The following MINDY2 variants were observed in gnomAD, a reference collection of about 807,000 sequenced individuals.
MINDY2 encodes the protein MINDY lysine 48 deubiquitinase 2.
A neutral mutation model predicts 68.2 loss-of-function variants in MINDY2; 52 were observed. The ratio of observed to expected loss-of-function variants is 0.76; its 90% CI spans 0.61 to 0.96. The LOEUF is 0.96. Among genes scored for constraint, MINDY2 ranks in the 40% least tolerant of loss-of-function variants. The pLI is 0.00. For missense variants in MINDY2, 881 were observed against 773.4 expected (o/e 1.14, Z -1.65); for synonymous variants, 372 against 303.0 (o/e 1.23, Z -2.36).
intron 4 of MINDY2, 66 bp downstream of exon 4, chr15:58,810,454 A>G: frequency 2.2e-6 from 3 of 1,365,538 alleles, no homozygotes; most frequent in Non-Finnish European, 2.9e-6. Context: ...TGGCAAATTA[A>G]TCTCAATTTA....
In MINDY2 at chr15:58,772,190, C is replaced by T; in HGVS notation, c.795C>T (p.Pro265=). 1 of 1,613,480 alleles carries T rather than the reference C, an allele frequency of 6.2e-7. No homozygotes were observed. Among genetic ancestry groups the T allele is most frequent in the Non-Finnish European group, 8.5e-7 (1 of 1,180,028 alleles). ...TCATCACCCAGAATGAGAACGGACC[C>T]TGCCCCTTGCTGGCCATCCTCAATG... ...TPIITQNENG[P]CPLLAILNVL... is the part of the protein sequence containing the mutation. Residue 265 remains proline, a synonymous_variant, in exon 1 of 9, where the codon CCC becomes CCT. Coordinates refer to ENST00000559228, the MANE Select transcript of MINDY2 (RefSeq NM_001040450.3).
intron 3 of MINDY2, among the ~76,000 whole-genome samples, chr15:58,807,744 A>G (rs973154788): frequency 6.6e-6 from 1 of 152,132 alleles, no homozygotes; most frequent in Non-Finnish European, 1.5e-5. Context: ...TAATCTGACA[A>G]ACAAGTCTTT....
At position 58,791,620 on chromosome 15, in the gene MINDY2, ATATGTGTGTG is replaced by A. The variant is rs1183345271; in HGVS notation, c.898+3659_898+3668del. On this transcript the variant is annotated intron_variant, in intron 2 of 8. Transcript: ENST00000559228. ...CAACAGGGCAAGACCCTGTCTCAAA[ATATGTGTGTG>A]TGTGTGTGTGTGTGTGTGTGTGTGT... Among the ~76,000 whole-genome samples, 37 of 80,848 alleles carry A rather than the reference ATATGTGTGTG, an allele frequency of 4.6e-4. No homozygotes were observed. In the South Asian group the frequency reaches 0.01, roughly 22 times the overall value. The allele number at this position is 80,848 out of a possible 152,430, so 53.0% of individuals were successfully genotyped here.
intron 6 of MINDY2, among the ~76,000 whole-genome samples, chr15:58,835,810 A>G (rs2141029608): frequency 6.6e-6 from 1 of 152,336 alleles, no homozygotes; most frequent in Admixed American, 6.5e-5. Context: ...GAATTAAAAG[A>G]AAGTCAGTGT....
At chr15:58,844,298 A>G (rs551527133) in intron 6 of MINDY2, among the ~76,000 whole-genome samples, 1 of 152,338 alleles carries the variant, frequency 6.6e-6, no homozygotes, top group African/African-American at 2.4e-5. Context: ...CTGTAATCCC[A>G]GCACTTTGGG....
At chr15:58,850,891 GCTA>G (rs2032778202) in intron 7 of MINDY2, among the ~76,000 whole-genome samples, 1 of 151,614 alleles carries the variant, frequency 6.6e-6, no homozygotes, top group Non-Finnish European at 1.5e-5. Flanking sequence ...CTGGCTCCCC[GCTA>G]CTTTTTGTTT....
intron 5 of MINDY2, among the ~76,000 whole-genome samples, chr15:58,826,346 C>T (rs1234177811): frequency 2.0e-5 from 3 of 150,684 alleles, no homozygotes; most frequent in Non-Finnish European, 4.4e-5. Context: ...TCTCCTTCCT[C>T]GGCCTCCCAA....
At chr15:58,845,488 A>C (rs868023712) in intron 6 of MINDY2, among the ~76,000 whole-genome samples, 18 of 152,320 alleles carry the variant, frequency 1.2e-4, no homozygotes, top group Middle Eastern at 3.4e-3. Flanking sequence ...GCAAATCAAA[A>C]CTATGAGATA....
At chr15:58,839,979 T>A (rs2032197001) in intron 6 of MINDY2, among the ~76,000 whole-genome samples, 1 of 152,034 alleles carries the variant, frequency 6.6e-6, no homozygotes, top group African/African-American at 2.4e-5. Flanking sequence ...ATTATGGGTG[T>A]GTGCCACCAC....
intron 6 of MINDY2, among the ~76,000 whole-genome samples, chr15:58,846,787 T>C (rs1050264651): frequency 6.6e-6 from 1 of 152,128 alleles, no homozygotes; most frequent in Admixed American, 6.5e-5. Flanking sequence ...GTATCTATTA[T>C]TGGTATACAA....
intron 1 of MINDY2, among the ~76,000 whole-genome samples, chr15:58,785,898 C>T (rs1051725952): frequency 1.3e-5 from 2 of 152,192 alleles, no homozygotes; most frequent in Non-Finnish European, 2.9e-5. Context: ...AGGCTCGTCT[C>T]GTACTCCTGA....
intron 6 of MINDY2, among the ~76,000 whole-genome samples, chr15:58,845,569 G>T (rs1237040465): frequency 6.6e-6 from 1 of 152,168 alleles, no homozygotes; most frequent in Non-Finnish European, 1.5e-5. Context: ...AGGATATGGA[G>T]AAAAGGGAAC....
At chr15:58,791,622 ATGTGTGTGTGTG>A (rs368688031) in intron 2 of MINDY2, among the ~76,000 whole-genome samples, 66 of 136,754 alleles carry the variant, frequency 4.8e-4, no homozygotes, top group African/African-American at 9.6e-4. Context: ...GTCTCAAAAT[ATGTGTGTGTGTG>A]TGTGTGTGTG....
chr15:58,772,623 A>G (rs1900508696), intron 1 of MINDY2, among the ~76,000 whole-genome samples: 4 of 152,198 alleles, frequency 2.6e-5, no homozygotes, highest in South Asian at 2.1e-4. Flanking sequence ...GTTACCATCA[A>G]TCCGTGATAT....
chr15:58,823,929 A>G lies in MINDY2; in HGVS notation c.1225+2110A>G, dbSNP rs112257595. 9.1e-3 allele frequency among the ~76,000 whole-genome samples: 1,379 copies of G among 152,322 alleles called. 21 individuals carry two copies. The highest frequency in any genetic ancestry group is 0.031 in the African/African-American group (1,300 of 41,566). ...ATTACCATAGATAATTACTAAAAAG[A>G]AGCTCCTATTTTAAAAATGTCTATC... On this transcript the variant is annotated intron_variant, in intron 5 of 8. Coordinates refer to ENST00000559228, the MANE Select transcript of MINDY2 (RefSeq NM_001040450.3).
At chr15:58,844,014 A>G (rs967124584) in intron 6 of MINDY2, among the ~76,000 whole-genome samples, 2 of 150,478 alleles carry the variant, frequency 1.3e-5, no homozygotes, top group African/African-American at 2.4e-5. Flanking sequence ...CCTATTCTAT[A>G]TTATTATTTA....
intron 2 of MINDY2, among the ~76,000 whole-genome samples, chr15:58,794,821 CTA>C (rs1374557975): frequency 6.6e-6 from 1 of 152,204 alleles, no homozygotes; most frequent in African/African-American, 2.4e-5. Context: ...TAATGGCAGA[CTA>C]TGAGTTACAG....
At chr15:58,854,033 AG>A (rs1471843324) in intron 8 of MINDY2, among the ~76,000 whole-genome samples, 3 of 152,178 alleles carry the variant, frequency 2.0e-5, no homozygotes, top group African/African-American at 7.2e-5. Flanking sequence ...TCACAAAGTC[AG>A]GAGTGTGAGA....
intron 5 of MINDY2, among the ~76,000 whole-genome samples, chr15:58,822,259 A>G (rs1194158611): frequency 6.6e-6 from 1 of 152,086 alleles, no homozygotes; most frequent in Non-Finnish European, 1.5e-5. Flanking sequence ...ATCAAAAAAA[A>G]AAAAAAGAAG....
Sources: allele counts gnomAD v4.1 joint callset (sites outside exome capture counted in the v4.1 genomes callset), GRCh38; gene constraint gnomAD v4.1.1; transcripts MANE v1.5; gene names NCBI Gene and HGNC (gene_info 2026-07-23, HGNC 2026-07-21).